DLG2: variants seen among roughly 807,000 people sequenced by gnomAD.
The protein encoded by DLG2 is discs large MAGUK scaffold protein 2.
Under a neutral mutation model 132.5 loss-of-function variants are expected in DLG2, and 45 were observed. The observed-to-expected ratio is 0.34, with a 90% CI of 0.27 to 0.44. The LOEUF (loss-of-function observed/expected upper bound fraction) is 0.44, where lower values mean the gene tolerates loss of function less well. Among genes scored for constraint, DLG2 ranks in the 20% least tolerant of loss-of-function variants. The pLI, the probability that DLG2 is intolerant of heterozygous loss-of-function variation, is 1.00. For missense variants in DLG2, 1,045 were observed against 1,196.9 expected, an observed-to-expected ratio of 0.87 and a Z score of 1.87; for synonymous variants, 424 against 419.6, an observed-to-expected ratio of 1.01 and a Z score of -0.13.
chr11:84,024,818 T>G (rs2095495009), intron 11 of DLG2, among the ~76,000 whole-genome samples: 1 of 151,568 alleles, frequency 6.6e-6, no homozygotes, highest in Non-Finnish European at 1.5e-5. Flanking sequence ...TTTTTTCTTT[T>G]TTTTTTTTTG....
intron 5 of DLG2, among the ~76,000 whole-genome samples, chr11:85,151,507 G>C (rs1269461301): frequency 6.6e-6 from 1 of 151,868 alleles, no homozygotes; most frequent in African/African-American, 2.4e-5. Flanking sequence ...TTTTCTGTAG[G>C]CATTATAGAG....
chr11:83,569,141 T>A (rs2096756942), intron 19 of DLG2, among the ~76,000 whole-genome samples: 1 of 152,198 alleles, frequency 6.6e-6, no homozygotes, highest in South Asian at 2.1e-4. Context: ...CATTAATAAA[T>A]TCATTTAAAA....
At chr11:83,822,257 C>G (rs1257822249) in intron 17 of DLG2, among the ~76,000 whole-genome samples, 1 of 152,078 alleles carries the variant, frequency 6.6e-6, no homozygotes, top group African/African-American at 2.4e-5. Context: ...CAATTCTTCT[C>G]CTTTTATTCT....
At chr11:83,567,008 G>C (rs910696297) in intron 19 of DLG2, among the ~76,000 whole-genome samples, 1 of 152,102 alleles carries the variant, frequency 6.6e-6, no homozygotes, top group African/African-American at 2.4e-5. Flanking sequence ...ATCCCATCTT[G>C]ACTCCGTCTC....
intron 6 of DLG2, chr11:85,020,733 A>C (rs2059981611): frequency 1.6e-6 from 1 of 625,340 alleles, no homozygotes; most frequent in East Asian, 3.5e-5. Context: ...TGGAAAGCTG[A>C]AACTGGATAA....
At chr11:84,766,018 T>G (rs914049396) in intron 6 of DLG2, among the ~76,000 whole-genome samples, 1 of 152,050 alleles carries the variant, frequency 6.6e-6, no homozygotes, top group Non-Finnish European at 1.5e-5. Flanking sequence ...TTCACTTACA[T>G]TCCCATAATA....
intron 14 of DLG2, among the ~76,000 whole-genome samples, chr11:83,946,186 C>T (rs1350288808): frequency 1.3e-5 from 2 of 152,004 alleles, no homozygotes; most frequent in African/African-American, 4.8e-5. Flanking sequence ...GATGTGGCTT[C>T]ACCATGTTGG....
chr11:84,270,526 T>C (rs1334436602), intron 7 of DLG2, among the ~76,000 whole-genome samples: 1 of 152,238 alleles, frequency 6.6e-6, no homozygotes, highest in Non-Finnish European at 1.5e-5. Flanking sequence ...ATGAATTTTA[T>C]ATGGGAGGTT....
intron 4 of DLG2, among the ~76,000 whole-genome samples, chr11:85,158,420 A>T (rs1185645421): frequency 2.6e-5 from 4 of 152,144 alleles, no homozygotes; most frequent in Non-Finnish European, 4.4e-5. Context: ...AATGTAGAGG[A>T]AGGGATCCAA....
At chr11:83,918,610 T>A (rs74490537) in intron 15 of DLG2, among the ~76,000 whole-genome samples, 2,762 of 152,148 alleles carry the variant, frequency 0.018, 89 homozygotes, top group African/African-American at 0.063. Context: ...GTCACAAGAA[T>A]CCCAGAGGAA....
chr11:84,784,142 G>GAAA (rs2072359761), intron 6 of DLG2, among the ~76,000 whole-genome samples: 1 of 5,296 alleles, frequency 1.9e-4, no homozygotes, highest in African/African-American at 9.3e-4. Context: ...TACTAAAAAT[G>GAAA]CAAAAAAAAA....
chr11:83,543,506 G>A (rs1013560652), intron 19 of DLG2, among the ~76,000 whole-genome samples: 5 of 152,098 alleles, frequency 3.3e-5, no homozygotes, highest in Non-Finnish European at 5.9e-5. Context: ...TCCATGTCCT[G>A]CTCCTACTAT....
chr11:84,359,493 G>A (rs181222603), intron 7 of DLG2, among the ~76,000 whole-genome samples: 5 of 151,806 alleles, frequency 3.3e-5, no homozygotes, highest in Middle Eastern at 3.2e-3. Flanking sequence ...CAAAGGTTAC[G>A]TGGCCTGAAA....
chr11:85,244,438 T>C (rs553605005), intron 4 of DLG2, among the ~76,000 whole-genome samples: 1 of 152,084 alleles, frequency 6.6e-6, no homozygotes, highest in South Asian at 2.1e-4. Flanking sequence ...TGTTTATGCA[T>C]TGGGGCAACA....
At chr11:84,353,897 T>G (rs2098596394) in intron 7 of DLG2, among the ~76,000 whole-genome samples, 1 of 152,170 alleles carries the variant, frequency 6.6e-6, no homozygotes, top group African/African-American at 2.4e-5. Flanking sequence ...TTATGTTAGA[T>G]CTTCCTCAAC....
At chr11:83,806,091 A>ATTC (rs1157632349) in intron 17 of DLG2, among the ~76,000 whole-genome samples, 2 of 151,872 alleles carry the variant, frequency 1.3e-5, no homozygotes, top group African/African-American at 4.8e-5. Flanking sequence ...GTTTTCCTGG[A>ATTC]TTCTTTGAAG....
intron 6 of DLG2, among the ~76,000 whole-genome samples, chr11:84,619,089 A>G (rs35489336): frequency 6.6e-6 from 1 of 151,852 alleles, no homozygotes; most frequent in African/African-American, 2.4e-5. Flanking sequence ...CAGAACACAC[A>G]TTTTTCTTAG....
At chr11:83,543,318 T>C (rs1186582507) in intron 19 of DLG2, among the ~76,000 whole-genome samples, 1 of 152,226 alleles carries the variant, frequency 6.6e-6, no homozygotes, top group Non-Finnish European at 1.5e-5. Context: ...GATCCTGTGA[T>C]GTGACATATA....
intron 7 of DLG2, among the ~76,000 whole-genome samples, chr11:84,449,251 C>T (rs1300904085): frequency 6.6e-6 from 1 of 151,694 alleles, no homozygotes; most frequent in Non-Finnish European, 1.5e-5. Flanking sequence ...TAAATAAAAT[C>T]CCTTTTTATT....
Sources: allele counts gnomAD v4.1 joint callset (sites outside exome capture counted in the v4.1 genomes callset), GRCh38; gene constraint gnomAD v4.1.1; transcripts MANE v1.5; gene names NCBI Gene and HGNC (gene_info 2026-07-23, HGNC 2026-07-21).